Variants in RAB30 observed in about 807,000 individuals in gnomAD.
RAB30 encodes the protein ras-related protein Rab-30.
Under a neutral mutation model 25.1 loss-of-function variants are expected in RAB30, and 9 were observed. The observed-to-expected ratio is 0.36, with a 90% CI of 0.22 to 0.63. The LOEUF is 0.63. Ranked by LOEUF, RAB30 falls within the 20% of genes least tolerant of loss-of-function variation. RAB30 has a pLI of 0.69. For missense variants in RAB30, 140 were observed against 243.5 expected (o/e 0.58, Z 2.83); for synonymous variants, 77 against 86.4 (o/e 0.89, Z 0.60).
chr11:83,059,224 G>A (rs1858515229), intron 1 of RAB30, among the ~76,000 whole-genome samples: 1 of 152,216 alleles, frequency 6.6e-6, no homozygotes, highest in South Asian at 2.1e-4. Context: ...TTACAGGTGT[G>A]AGCCACCGTG....
Position 82,987,570 on chromosome 11 carries a change from C to T in RAB30, c.361+17G>A, listed in dbSNP as rs753597636. 7 of 1,589,336 alleles carry T rather than the reference C, an allele frequency of 4.4e-6. No individual in the cohort carries two copies. Among genetic ancestry groups the T allele is most frequent in the East Asian group, 2.3e-5 (1 of 44,002 alleles). ...ATGCCCACAAATCAATTTCCCTCCT[C>T]GTTAGCCCTTACTTACCCACTAACA... On this transcript the variant is annotated intron_variant, in intron 4 of 4. Coordinates refer to ENST00000527633, the MANE Select transcript of RAB30 (RefSeq NM_001286060.2).
chr11:83,055,936 A>T (rs1858450294), intron 1 of RAB30, among the ~76,000 whole-genome samples: 1 of 152,228 alleles, frequency 6.6e-6, no homozygotes, highest in Admixed American at 6.5e-5. Flanking sequence ...TGTAAGAAAT[A>T]AATTTCTGTT....
intron 1 of RAB30, among the ~76,000 whole-genome samples, chr11:83,065,425 T>TGGAAA (rs1048240263): frequency 1.3e-5 from 2 of 151,484 alleles, no homozygotes; most frequent in Non-Finnish European, 2.9e-5. Flanking sequence ...AGGAAAGGAA[T>TGGAAA]GGAAAGGAAA....
chr11:83,070,030 T>A lies in RAB30; in HGVS notation c.-9+1661A>T, dbSNP rs114838664. On this transcript the variant is annotated intron_variant, in intron 1 of 4. Transcript: ENST00000527633. Reference sequence around the variant, plus strand: ...AGATTGAAGAGAAAGAGATGTGATATGCTGGTGATAAAGGAGGGGTTTTGA... The same window carrying A: ...AGATTGAAGAGAAAGAGATGTGATAAGCTGGTGATAAAGGAGGGGTTTTGA... Among the ~76,000 whole-genome samples, 1,020 of 150,736 alleles carry A rather than the reference T, an allele frequency of 6.8e-3. 17 individuals carry two copies. The highest frequency in any genetic ancestry group is 0.024 in the African/African-American group (968 of 40,992).
chr11:83,062,870 G>T (rs1176233830), intron 1 of RAB30, among the ~76,000 whole-genome samples: 1 of 152,100 alleles, frequency 6.6e-6, no homozygotes, highest in Non-Finnish European at 1.5e-5. Flanking sequence ...AGGCATGGTG[G>T]TGGGCACCTG....
chr11:83,064,569 G>C (rs1858652714), intron 1 of RAB30, among the ~76,000 whole-genome samples: 1 of 152,160 alleles, frequency 6.6e-6, no homozygotes, highest in African/African-American at 2.4e-5. Context: ...CAGAATACAG[G>C]ATTGTATTTA....
chr11:83,039,860 C>T (rs991337471), intron 1 of RAB30, among the ~76,000 whole-genome samples: 2 of 152,130 alleles, frequency 1.3e-5, no homozygotes, highest in Non-Finnish European at 2.9e-5. Flanking sequence ...TGTCAATGGA[C>T]TTCTCTGGAA....
intron 1 of RAB30, among the ~76,000 whole-genome samples, chr11:83,000,015 C>T (rs1316876025): frequency 1.3e-5 from 2 of 152,168 alleles, no homozygotes; most frequent in African/African-American, 2.4e-5. Context: ...TAACCCCTCC[C>T]CATCATCATC....
chr11:83,057,202 T>C (rs1207788382), intron 1 of RAB30, among the ~76,000 whole-genome samples: 1 of 137,832 alleles, frequency 7.3e-6, no homozygotes. Flanking sequence ...CACTTGAGGG[T>C]TTTTTTTTTT....
Position 83,067,713 on chromosome 11 carries a change from C to T in RAB30, c.-9+3978G>A, listed in dbSNP as rs149156636. Among the ~76,000 whole-genome samples, 351 of 152,270 alleles carry T rather than the reference C, an allele frequency of 2.3e-3. 4 individuals are homozygous for T. Among genetic ancestry groups the T allele is most frequent in the African/African-American group, 8.0e-3 (332 of 41,536 alleles). On this transcript the variant is annotated intron_variant, in intron 1 of 4. Coordinates refer to ENST00000527633, the MANE Select transcript of RAB30 (RefSeq NM_001286060.2). ...TACAATTTTCAAAGTTAGTGTCGGC[C>T]GGGCATGGTGGCTCATGCTTGTAAT...
At chr11:83,049,477 G>A (rs914802809) in intron 1 of RAB30, among the ~76,000 whole-genome samples, 2 of 138,648 alleles carry the variant, frequency 1.4e-5, no homozygotes, top group Admixed American at 7.5e-5. Flanking sequence ...GGTGCAGGGG[G>A]CAGTTTTTGT....
chr11:82,991,506 CAAAAAAAAAAA>C (rs35298951), intron 3 of RAB30, among the ~76,000 whole-genome samples: 1 of 65,872 alleles, frequency 1.5e-5, no homozygotes, highest in Non-Finnish European at 2.7e-5. Flanking sequence ...GACCCTTTCT[CAAAAAAAAAAA>C]AAAAAAAAAA....
chr11:83,010,613 G>T (rs1476972426), intron 1 of RAB30, among the ~76,000 whole-genome samples: 1 of 151,946 alleles, frequency 6.6e-6, no homozygotes, highest in South Asian at 2.1e-4. Context: ...GGGAAACATG[G>T]GACAGGTACA....
At chr11:83,011,540 G>A (rs540923692) in intron 1 of RAB30, among the ~76,000 whole-genome samples, 1 of 152,278 alleles carries the variant, frequency 6.6e-6, no homozygotes, top group South Asian at 2.1e-4. Context: ...CAAGAACATG[G>A]CGAGTACTGT....
rs1239598863 is a variant in RAB30 at position 82,973,756 on chromosome 11, ATTGTTT to A, written c.*8403_*8408del. 2.0e-5 allele frequency: 3 copies of A among 152,228 alleles called. No individual in the cohort carries two copies. Among genetic ancestry groups the A allele is most frequent in the Non-Finnish European group, 4.4e-5 (3 of 68,030 alleles). 9.4% of individuals were successfully genotyped at this position (152,228 alleles called of 1,614,324 possible). A position where few individuals can be genotyped will look rare whatever the true frequency, so the allele number is the denominator to read the frequency against. On this transcript the variant is annotated 3_prime_UTR_variant, in exon 5 of 5. Coordinates refer to ENST00000527633, the MANE Select transcript of RAB30 (RefSeq NM_001286060.2). ...TGATTTGATTTGATTTGTCAGACTAATTGTTTTTAAGAGAGATGTGAAAACATACAC... is the reference window on the plus strand; with the variant it reads ...TGATTTGATTTGATTTGTCAGACTAATTAAGAGAGATGTGAAAACATACAC...
intron 1 of RAB30, among the ~76,000 whole-genome samples, chr11:83,028,063 A>C (rs1242134404): frequency 6.6e-6 from 1 of 152,022 alleles, no homozygotes; most frequent in African/African-American, 2.4e-5. Context: ...TGGCAAACAC[A>C]AAAAAAAGTG....
intron 1 of RAB30, among the ~76,000 whole-genome samples, chr11:82,999,762 G>T (rs1029933995): frequency 7.2e-5 from 11 of 151,926 alleles, no homozygotes; most frequent in Admixed American, 7.2e-4. Context: ...GCCTCCCTGA[G>T]ATCTCAGCTT....
At chr11:83,015,566 A>T (rs1465331881) in intron 1 of RAB30, among the ~76,000 whole-genome samples, 1 of 152,210 alleles carries the variant, frequency 6.6e-6, no homozygotes, top group Non-Finnish European at 1.5e-5. Flanking sequence ...ATGAATCTGA[A>T]GTTCCAGAGA....
At chr11:83,023,600 C>G (rs1857635801) in intron 1 of RAB30, among the ~76,000 whole-genome samples, 1 of 152,160 alleles carries the variant, frequency 6.6e-6, no homozygotes, top group African/African-American at 2.4e-5. Context: ...CAGGTCCTAC[C>G]CAGCTCAGAT....
Sources: gnomAD v4.1 joint callset for allele counts (sites outside exome capture counted in the v4.1 genomes callset) on GRCh38, gnomAD v4.1.1 for gene constraint, MANE v1.5 for transcripts, NCBI Gene and HGNC (gene_info 2026-07-23, HGNC 2026-07-21) for gene names.